The following MYO10 variants were observed in gnomAD, a reference collection of about 807,000 sequenced individuals.
The protein encoded by MYO10 is unconventional myosin-X.
MYO10 carries 133 observed loss-of-function variants against 257.3 expected under a neutral mutation model. That is an observed-to-expected ratio of 0.52 (90% confidence interval 0.45 to 0.60). The LOEUF (loss-of-function observed/expected upper bound fraction) is 0.60. MYO10 is among the 20% of genes least tolerant of loss of function. MYO10 has a pLI of 0.00. For missense variants in MYO10, 2,399 were observed against 2,635.7 expected (o/e 0.91, Z 1.97); for synonymous variants, 1,104 against 1,028.6 (o/e 1.07, Z -1.40).
At chr5:16,774,429 T>C (rs1349923649) in intron 9 of MYO10, among the ~76,000 whole-genome samples, 1 of 152,194 alleles carries the variant, frequency 6.6e-6, no homozygotes, top group Admixed American at 6.5e-5. Context: ...ATTTTTTTAA[T>C]TTATTTTTTT....
At chr5:16,823,461 A>AG (rs1561003835) in intron 2 of MYO10, among the ~76,000 whole-genome samples, 1 of 3,712 alleles carries the variant, frequency 2.7e-4, no homozygotes, top group Non-Finnish European at 5.7e-4. Flanking sequence ...GGGGGGGGGG[A>AG]GTGGGGATTT....
chr5:16,684,057 A>T, intron 29 of MYO10, 122 bp from the exon 30 acceptor site: 1 of 852,004 alleles, frequency 1.2e-6, no homozygotes, highest in South Asian at 1.6e-5. Context: ...TTTAACTTCA[A>T]AATAATAGTT....
chr5:16,849,491 T>C lies in MYO10; in HGVS notation c.120+28118A>G, dbSNP rs553736625. Among the ~76,000 whole-genome samples the C allele has an allele frequency of 2.6e-5, 4 of 152,322 alleles. No homozygotes were observed. The East Asian group carries it at 5.8e-4, about 22-fold the overall frequency. ...AAGTGGATATATCCAGAGATTCTTATAAGATTTTGTGGTTCAGAGAGCAAA... is the reference window on the plus strand; with the variant it reads ...AAGTGGATATATCCAGAGATTCTTACAAGATTTTGTGGTTCAGAGAGCAAA... On this transcript the variant is annotated intron_variant, in intron 2 of 40. Transcript: ENST00000513610.
intron 28 of MYO10, among the ~76,000 whole-genome samples, chr5:16,686,508 AGTATC>A (rs1350194604): frequency 6.6e-6 from 1 of 151,942 alleles, no homozygotes; most frequent in African/African-American, 2.4e-5. Context: ...TGTAATGGAG[AGTATC>A]ATATTGGAAT....
At chr5:16,748,637 G>GGAGGGAGA (rs1560963968) in intron 19 of MYO10, among the ~76,000 whole-genome samples, 27 of 150,706 alleles carry the variant, frequency 1.8e-4, no homozygotes, top group African/African-American at 5.6e-4. Flanking sequence ...AGGGAGGGAG[G>GGAGGGAGA]GAGGGAGAAA....
chr5:16,849,678 A>G (rs910938931), intron 2 of MYO10, among the ~76,000 whole-genome samples: 2 of 152,230 alleles, frequency 1.3e-5, no homozygotes, highest in African/African-American at 4.8e-5. Context: ...AAATTTGGAG[A>G]AACATCTAAA....
chr5:16,833,670 C>T (rs1163503056), intron 2 of MYO10, among the ~76,000 whole-genome samples: 1 of 152,154 alleles, frequency 6.6e-6, no homozygotes, highest in African/African-American at 2.4e-5. Context: ...GTTTGCAGAA[C>T]ATGAGATTTG....
chr5:16,877,161 C>G (rs962829825), intron 2 of MYO10, among the ~76,000 whole-genome samples: 14 of 152,188 alleles, frequency 9.2e-5, no homozygotes, highest in African/African-American at 3.4e-4. Flanking sequence ...TCATAAATCA[C>G]TCAGTCTATG....
chr5:16,668,550 A>G, intron 39 of MYO10, 82 bp from the exon 40 acceptor site: 1 of 1,153,132 alleles, frequency 8.7e-7, no homozygotes, highest in Non-Finnish European at 1.2e-6. Flanking sequence ...ACAGGCTTTG[A>G]GTGAAGTCCT....
intron 2 of MYO10, among the ~76,000 whole-genome samples, chr5:16,850,341 G>A (rs970030058): frequency 4.0e-5 from 6 of 151,420 alleles, no homozygotes; most frequent in Non-Finnish European, 7.4e-5. Flanking sequence ...TGGCACGATC[G>A]CAGCTCACTG....
chr5:16,688,296 A>C (rs1442096970), intron 28 of MYO10, among the ~76,000 whole-genome samples: 1 of 152,122 alleles, frequency 6.6e-6, no homozygotes, highest in African/African-American at 2.4e-5. Context: ...TGGTGTCTTT[A>C]CCCTTAATGT....
At chr5:16,772,154 T>TG (rs1158485139) in intron 9 of MYO10, among the ~76,000 whole-genome samples, 1 of 151,618 alleles carries the variant, frequency 6.6e-6, no homozygotes, top group African/African-American at 2.4e-5. Context: ...TTTTTTGAGA[T>TG]GGAGTTTCAC....
intron 3 of MYO10, among the ~76,000 whole-genome samples, chr5:16,811,206 G>T (rs1742430291): frequency 6.6e-6 from 1 of 152,142 alleles, no homozygotes; most frequent in Non-Finnish European, 1.5e-5. Context: ...TAGGCCAGAT[G>T]ACTCTGGGGC....
chr5:16,898,790 A>G lies in MYO10; in HGVS notation c.22-21083T>C, dbSNP rs550239816. Among the ~76,000 whole-genome samples the G allele has an allele frequency of 1.0e-3, 152 of 152,106 alleles. 1 individual carries two copies. The highest frequency in any genetic ancestry group is 3.3e-3 in the African/African-American group (137 of 41,516). The stretch of plus-strand genomic sequence containing the variant: ...GCCATATTTCAAGTGCCCAAATATC[A>G]CAAAGTCATAGTGGCTAAAGCACTG... On this transcript the variant is annotated intron_variant, in intron 1 of 40. Coordinates refer to ENST00000513610, the MANE Select transcript of MYO10 (RefSeq NM_012334.3).
intron 2 of MYO10, among the ~76,000 whole-genome samples, chr5:16,828,692 G>T (rs1743072920): frequency 6.6e-6 from 1 of 151,490 alleles, no homozygotes; most frequent in African/African-American, 2.4e-5. Flanking sequence ...GAGGAGGAAG[G>T]ACAAGCTGAT....
intron 26 of MYO10, among the ~76,000 whole-genome samples, chr5:16,696,757 G>C (rs31575): frequency 1.3e-5 from 2 of 151,418 alleles, no homozygotes; most frequent in Admixed American, 6.6e-5. Context: ...TCAGGAGGCT[G>C]AGCCAGAAGA....
In MYO10 at chr5:16,934,061, C is replaced by T. The variant is rs114087458; in HGVS notation, c.21+1727G>A. 2.3e-3 allele frequency among the ~76,000 whole-genome samples: 351 copies of T among 152,346 alleles called. 1 individual carries two copies. Among genetic ancestry groups the T allele is most frequent in the African/African-American group, 7.8e-3 (323 of 41,586 alleles). The stretch of plus-strand genomic sequence containing the variant: ...AAAGTAGAAGATCACTAATGGCCAA[C>T]TGCAAAATAATATTGATCACAGAAA... On this transcript the variant is annotated intron_variant, in intron 1 of 40. Transcript: ENST00000513610.
intron 3 of MYO10, among the ~76,000 whole-genome samples, chr5:16,811,584 C>G (rs1742442225): frequency 6.6e-6 from 1 of 152,162 alleles, no homozygotes; most frequent in South Asian, 2.1e-4. Context: ...GGGTCTTGCT[C>G]TGTTGCCCAG....
intron 9 of MYO10, among the ~76,000 whole-genome samples, chr5:16,774,278 G>A (rs949266801): frequency 6.6e-6 from 1 of 152,160 alleles, no homozygotes; most frequent in African/African-American, 2.4e-5. Context: ...AGGGAGGAGT[G>A]TCACCCTCAG....
Sources: gnomAD v4.1 joint callset for allele counts (sites outside exome capture counted in the v4.1 genomes callset) on GRCh38, gnomAD v4.1.1 for gene constraint, MANE v1.5 for transcripts, NCBI Gene and HGNC (gene_info 2026-07-23, HGNC 2026-07-21) for gene names.